Variants in DPYD observed in about 807,000 individuals in gnomAD.
The protein encoded by DPYD is dihydropyrimidine dehydrogenase.
Under a neutral mutation model 116.2 loss-of-function variants are expected in DPYD, and 109 were observed. That is an observed-to-expected ratio of 0.94 (90% CI 0.80 to 1.10). The LOEUF (loss-of-function observed/expected upper bound fraction) is 1.10. Ranked by LOEUF, DPYD falls within the 50% of genes least tolerant of loss-of-function variation. DPYD has a pLI of 0.00. For missense variants in DPYD, 1,302 were observed against 1,254.5 expected (o/e 1.04, Z -0.57); for synonymous variants, 440 against 432.0 (o/e 1.02, Z -0.23).
At chr1:97,540,461 A>C (rs1458636026) in intron 12 of DPYD, among the ~76,000 whole-genome samples, 1 of 152,206 alleles carries the variant, frequency 6.6e-6, no homozygotes, top group Non-Finnish European at 1.5e-5. Context: ...AGTCAGATGA[A>C]GAGACACATA....
chr1:97,239,464 A>C (rs995078180), intron 18 of DPYD, among the ~76,000 whole-genome samples: 7 of 151,638 alleles, frequency 4.6e-5, no homozygotes, highest in African/African-American at 1.7e-4. Flanking sequence ...TTTTTTAAGC[A>C]CCTATGGCTT....
At chr1:97,190,255 T>C (rs1212852704) in intron 20 of DPYD, among the ~76,000 whole-genome samples, 1 of 152,180 alleles carries the variant, frequency 6.6e-6, no homozygotes, top group African/African-American at 2.4e-5. Context: ...AAATTATTTA[T>C]TGTTTACTTT....
intron 13 of DPYD, among the ~76,000 whole-genome samples, chr1:97,450,983 A>G (rs1188513313): frequency 6.6e-6 from 1 of 152,142 alleles, no homozygotes; most frequent in Non-Finnish European, 1.5e-5. Flanking sequence ...ACAAAGAAGG[A>G]AAATGTTTCT....
intron 13 of DPYD, among the ~76,000 whole-genome samples, chr1:97,468,733 T>C (rs1222956089): frequency 1.3e-5 from 2 of 152,190 alleles, no homozygotes; most frequent in Non-Finnish European, 2.9e-5. Context: ...TGCAGACTCC[T>C]TGTCCTAAGA....
intron 1 of DPYD, among the ~76,000 whole-genome samples, chr1:97,894,793 C>T (rs1433236615): frequency 6.6e-6 from 1 of 151,482 alleles, no homozygotes; most frequent in Non-Finnish European, 1.5e-5. Context: ...ATAACCTATA[C>T]TGTACTTTAT....
At chr1:97,426,694 ACTC>A (rs1199523153) in intron 14 of DPYD, among the ~76,000 whole-genome samples, 4 of 151,942 alleles carry the variant, frequency 2.6e-5, no homozygotes, top group African/African-American at 4.8e-5. Context: ...TTTAAGGAAT[ACTC>A]CTCTTTTTCA....
intron 13 of DPYD, among the ~76,000 whole-genome samples, chr1:97,470,980 G>T (rs1223978770): frequency 2.0e-5 from 3 of 151,416 alleles, no homozygotes; most frequent in Non-Finnish European, 4.4e-5. Flanking sequence ...ACAAGAGCAA[G>T]ACTTCATCTC....
At chr1:97,601,171 A>G (rs1265879813) in intron 8 of DPYD, among the ~76,000 whole-genome samples, 3 of 152,062 alleles carry the variant, frequency 2.0e-5, no homozygotes, top group Non-Finnish European at 4.4e-5. Flanking sequence ...TGTGGCTTTC[A>G]AACTCCTTGA....
At chr1:97,744,343 T>C (rs1262007371) in intron 3 of DPYD, among the ~76,000 whole-genome samples, 1 of 152,068 alleles carries the variant, frequency 6.6e-6, no homozygotes, top group Non-Finnish European at 1.5e-5. Context: ...CCTGCTTCTT[T>C]TATTGGTAAC....
chr1:97,897,521 C>T (rs1302590221), intron 1 of DPYD, among the ~76,000 whole-genome samples: 1 of 151,862 alleles, frequency 6.6e-6, no homozygotes, highest in South Asian at 2.1e-4. Context: ...TGAGGCCACT[C>T]GAAGTTGTTC....
At chr1:97,270,649 C>T (rs1374652546) in intron 18 of DPYD, among the ~76,000 whole-genome samples, 1 of 152,080 alleles carries the variant, frequency 6.6e-6, no homozygotes, top group Non-Finnish European at 1.5e-5. Flanking sequence ...AAGAAAGGTG[C>T]TGTGAACACT....
intron 14 of DPYD, among the ~76,000 whole-genome samples, chr1:97,447,076 T>C (rs1379504889): frequency 6.6e-6 from 1 of 152,160 alleles, no homozygotes; most frequent in African/African-American, 2.4e-5. Context: ...ATTCAAGAAG[T>C]TCATCAGCCA....
chr1:97,531,837 T>C (rs1649648049), intron 12 of DPYD, among the ~76,000 whole-genome samples: 1 of 152,200 alleles, frequency 6.6e-6, no homozygotes, highest in Admixed American at 6.5e-5. Context: ...GTATTTCATG[T>C]CCTTGATTCA....
At chr1:97,266,462 A>T (rs1664231367) in intron 18 of DPYD, among the ~76,000 whole-genome samples, 1 of 152,150 alleles carries the variant, frequency 6.6e-6, no homozygotes, top group Non-Finnish European at 1.5e-5. Context: ...TGGTGTCTTA[A>T]TCTGCTGTAT....
intron 5 of DPYD, among the ~76,000 whole-genome samples, chr1:97,708,156 G>T (rs1662086960): frequency 1.3e-5 from 2 of 151,972 alleles, no homozygotes; most frequent in Admixed American, 1.3e-4. Context: ...TATATTTGAT[G>T]AAGTCTATCT....
intron 13 of DPYD, among the ~76,000 whole-genome samples, chr1:97,478,838 G>A (rs777106222): frequency 5.3e-5 from 8 of 152,136 alleles, no homozygotes; most frequent in Non-Finnish European, 1.2e-4. Context: ...GCTGGATCGG[G>A]ATAGCTCACT....
chr1:97,095,531 T>C (rs1408217607), intron 21 of DPYD, among the ~76,000 whole-genome samples: 1 of 151,986 alleles, frequency 6.6e-6, no homozygotes, highest in Non-Finnish European at 1.5e-5. Flanking sequence ...TATAATCTTA[T>C]GGTAGAAAAG....
At chr1:97,130,346 A>G (rs1653185440) in intron 20 of DPYD, among the ~76,000 whole-genome samples, 1 of 152,164 alleles carries the variant, frequency 6.6e-6, no homozygotes, top group South Asian at 2.1e-4. Flanking sequence ...TCTTCTTTGT[A>G]TGGACACATC....
chr1:97,305,348 G>A lies in DPYD; in HGVS notation c.2210C>T (p.Thr737Ile), dbSNP rs570122671. The A allele has an allele frequency of 9.9e-6, 16 of 1,612,496 alleles. No individual in the cohort carries two copies. The East Asian group carries it at 3.1e-4, about 32-fold the overall frequency. ...TTTTAATCCCATCAGACCTGAGACAGTGTTGGTGGCTGTAACGCCATTGGC... is the reference window on the plus strand; with the variant it reads ...TTTTAATCCCATCAGACCTGAGACAATGTTGGTGGCTGTAACGCCATTGGC... ...GGANGVTATN[T>I]VSGLMGLKSD... The change falls in exon 18 of 23, where the codon ACT becomes ATT. Residue 737 changes from threonine (T) to isoleucine (I), a missense_variant. Transcript: ENST00000370192.
Sources: gnomAD v4.1 joint callset for allele counts (sites outside exome capture counted in the v4.1 genomes callset) on GRCh38, gnomAD v4.1.1 for gene constraint, MANE v1.5 for transcripts, NCBI Gene and HGNC (gene_info 2026-07-23, HGNC 2026-07-21) for gene names.